The following PTPRD variants were observed in gnomAD, a reference collection of about 807,000 sequenced individuals.
The protein encoded by PTPRD is receptor-type tyrosine-protein phosphatase delta.
Under a neutral mutation model 214.5 loss-of-function variants are expected in PTPRD, and 34 were observed. That is an observed-to-expected ratio of 0.16 (90% CI 0.12 to 0.21). The LOEUF is 0.21. Ranked by LOEUF, PTPRD falls within the 10% of genes least tolerant of loss-of-function variation. PTPRD has a pLI of 1.00. For synonymous variants in PTPRD, 1,128 were observed against 845.7 expected, an observed-to-expected ratio of 1.33 and a Z score of -5.79; for missense variants, 2,545 against 2,398.7, an observed-to-expected ratio of 1.06 and a Z score of -1.27.
At chr9:8,648,753 A>T (rs543058863) in intron 12 of PTPRD, among the ~76,000 whole-genome samples, 1 of 152,206 alleles carries the variant, frequency 6.6e-6, no homozygotes, top group Non-Finnish European at 1.5e-5. Flanking sequence ...AGCTTTTTTC[A>T]TATTTCCTTT....
chr9:9,825,314 G>C (rs569843813), intron 5 of PTPRD, among the ~76,000 whole-genome samples: 1 of 151,062 alleles, frequency 6.6e-6, no homozygotes, highest in Admixed American at 6.6e-5. Context: ...TAGGAAGAAA[G>C]AGAAAGAAAG....
chr9:9,885,887 G>A (rs1230464834), intron 5 of PTPRD, among the ~76,000 whole-genome samples: 1 of 151,302 alleles, frequency 6.6e-6, no homozygotes, highest in Non-Finnish European at 1.5e-5. Context: ...CCAAAAAGAA[G>A]AGAAGGGCCT....
In PTPRD at chr9:9,990,590, C is replaced by A. The variant is rs570537457; in HGVS notation, c.-472+43128G>T. On this transcript the variant is annotated intron_variant, in intron 4 of 45. Transcript: ENST00000381196. ...TAGGGAAATCTCAGAGGCCCAGGCCCCTACACAATCAGCTGGAAATGTAGC... is the reference window on the plus strand; with the variant it reads ...TAGGGAAATCTCAGAGGCCCAGGCCACTACACAATCAGCTGGAAATGTAGC... Among the ~76,000 whole-genome samples the A allele has an allele frequency of 2.0e-5, 3 of 152,306 alleles. No homozygotes were observed. The South Asian group carries it at 6.2e-4, about 32-fold the overall frequency.
chr9:9,890,009 T>C (rs2072671536), intron 5 of PTPRD, among the ~76,000 whole-genome samples: 1 of 152,070 alleles, frequency 6.6e-6, no homozygotes, highest in Non-Finnish European at 1.5e-5. Context: ...CAGTAAGCCA[T>C]GAATCCACCC....
intron 9 of PTPRD, among the ~76,000 whole-genome samples, chr9:9,185,486 G>A (rs1189191022): frequency 2.0e-5 from 3 of 152,024 alleles, no homozygotes; most frequent in Non-Finnish European, 4.4e-5. Flanking sequence ...TGCTGGTTAA[G>A]TTTAGTCTTG....
chr9:10,013,390 A>T (rs192040607), intron 4 of PTPRD, among the ~76,000 whole-genome samples: 5 of 152,080 alleles, frequency 3.3e-5, no homozygotes, highest in Non-Finnish European at 5.9e-5. Context: ...ATAAATAATC[A>T]ATCCTGATTT....
intron 9 of PTPRD, among the ~76,000 whole-genome samples, chr9:9,330,089 G>A (rs1399239035): frequency 1.3e-5 from 2 of 152,038 alleles, no homozygotes; most frequent in African/African-American, 2.4e-5. Context: ...TTTAGCCATG[G>A]TGTCATGTTA....
At chr9:9,859,652 G>A (rs755875209) in intron 5 of PTPRD, among the ~76,000 whole-genome samples, 1 of 152,100 alleles carries the variant, frequency 6.6e-6, no homozygotes, top group Non-Finnish European at 1.5e-5. Flanking sequence ...TAAATAAGCT[G>A]GTATTCTGAT....
At chr9:8,993,498 CT>C (rs2099385468) in intron 11 of PTPRD, among the ~76,000 whole-genome samples, 2 of 152,000 alleles carry the variant, frequency 1.3e-5, no homozygotes, top group African/African-American at 4.8e-5. Flanking sequence ...ACTTCTTTGT[CT>C]GTCTATAATG....
At chr9:8,359,620 C>G (rs926227004) in intron 39 of PTPRD, among the ~76,000 whole-genome samples, 1 of 152,138 alleles carries the variant, frequency 6.6e-6, no homozygotes, top group Non-Finnish European at 1.5e-5. Flanking sequence ...AGGCGTGAGC[C>G]ACCCCACCCG....
At chr9:9,947,346 A>AATATATATTATATATATTATATATATT (rs1216510491) in intron 4 of PTPRD, among the ~76,000 whole-genome samples, 4 of 43,678 alleles carry the variant, frequency 9.2e-5, no homozygotes, top group African/African-American at 4.6e-4. Flanking sequence ...TTATATATAT[A>AATATATATTATATATATTATATATATT]ATATATATTA....
intron 12 of PTPRD, among the ~76,000 whole-genome samples, chr9:8,652,107 T>C (rs180724252): frequency 3.9e-5 from 6 of 152,292 alleles, no homozygotes; most frequent in African/African-American, 9.6e-5. Flanking sequence ...TGTCCTCTAA[T>C]TTACAGCTCA....
chr9:8,566,514 C>T (rs1275176214), intron 14 of PTPRD, among the ~76,000 whole-genome samples: 1 of 152,086 alleles, frequency 6.6e-6, no homozygotes, highest in African/African-American at 2.4e-5. Context: ...GAGGTTGGCC[C>T]TAACAGCAAT....
chr9:8,947,462 C>CAAAAAAAAAAAAAAA (rs138279192), intron 11 of PTPRD, among the ~76,000 whole-genome samples: 1 of 93,034 alleles, frequency 1.1e-5, no homozygotes. Flanking sequence ...GACTCTGTCT[C>CAAAAAAAAAAAAAAA]AAAAAAAAAA....
chr9:9,723,839 T>A (rs1184392206), intron 7 of PTPRD, among the ~76,000 whole-genome samples: 1 of 152,138 alleles, frequency 6.6e-6, no homozygotes, highest in Non-Finnish European at 1.5e-5. Context: ...GAAATATCAT[T>A]GGTTTGTAAA....
chr9:9,738,063 G>C (rs570588059), intron 6 of PTPRD, among the ~76,000 whole-genome samples: 2 of 152,028 alleles, frequency 1.3e-5, no homozygotes, highest in East Asian at 3.9e-4. Flanking sequence ...GAGAACACGT[G>C]GACACAGGAA....
chr9:8,841,028 C>T (rs1418265969), intron 11 of PTPRD, among the ~76,000 whole-genome samples: 2 of 152,166 alleles, frequency 1.3e-5, no homozygotes, highest in Admixed American at 6.5e-5. Flanking sequence ...ACCTGGAGTG[C>T]TGTAAGCCAT....
chr9:10,413,106 T>A (rs2098453957), intron 2 of PTPRD, among the ~76,000 whole-genome samples: 1 of 151,842 alleles, frequency 6.6e-6, no homozygotes, highest in Admixed American at 6.6e-5. Flanking sequence ...TTGAAAGTCA[T>A]AGGAAGAGCA....
At chr9:9,861,082 G>C (rs1172604678) in intron 5 of PTPRD, among the ~76,000 whole-genome samples, 1 of 152,026 alleles carries the variant, frequency 6.6e-6, no homozygotes, top group Non-Finnish European at 1.5e-5. Flanking sequence ...ACAGTAAAAT[G>C]AATCCCAGTT....
Sources: allele counts gnomAD v4.1 joint callset (sites outside exome capture counted in the v4.1 genomes callset), GRCh38; gene constraint gnomAD v4.1.1; transcripts MANE v1.5; gene names NCBI Gene and HGNC (gene_info 2026-07-23, HGNC 2026-07-21).